The following DENND5B variants were observed in gnomAD, a reference collection of about 807,000 sequenced individuals.
The protein encoded by DENND5B is DENN domain containing 5B.
In DENND5B, 34 loss-of-function variants were observed where a neutral mutation model predicts 140.6. The observed-to-expected ratio is 0.24, with a 90% confidence interval of 0.18 to 0.32. The LOEUF is 0.32. Ranked by LOEUF, DENND5B falls within the 10% of genes least tolerant of loss-of-function variation. DENND5B has a pLI of 1.00. For missense variants in DENND5B, 1,142 were observed against 1,560.2 expected (o/e 0.73, Z 4.52); for synonymous variants, 551 against 562.1 (o/e 0.98, Z 0.28).
chr12:31,417,356 C>CAAAAA (rs767142927), intron 11 of DENND5B, among the ~76,000 whole-genome samples: 61 of 40,116 alleles, frequency 1.5e-3, no homozygotes, highest in South Asian at 6.0e-3. Context: ...GACTCTGTCT[C>CAAAAA]AAAAAAAAAA....
chr12:31,511,283 C>G (rs1208796299), intron 1 of DENND5B, among the ~76,000 whole-genome samples: 2 of 152,038 alleles, frequency 1.3e-5, no homozygotes, highest in Non-Finnish European at 2.9e-5. Flanking sequence ...CCTGGGGAAA[C>G]CTTTCTTGAC....
Position 31,520,959 on chromosome 12 carries a change from A to C in DENND5B, c.128-25040T>G, listed in dbSNP as rs184317890. Among the ~76,000 whole-genome samples, 502 of 152,334 alleles carry C rather than the reference A, an allele frequency of 3.3e-3. 1 individual carries two copies. The highest frequency in any genetic ancestry group is 5.3e-3 in the Non-Finnish European group (361 of 68,044). On this transcript the variant is annotated intron_variant, in intron 1 of 20. Transcript: ENST00000389082. ...TAATAAACATACAAAAATGTTAGTG[A>C]GATATTAAATCTTTGAAATCCAGTG...
intron 1 of DENND5B, among the ~76,000 whole-genome samples, chr12:31,514,787 C>T (rs962678112): frequency 2.0e-5 from 3 of 149,136 alleles, no homozygotes; most frequent in African/African-American, 7.5e-5. Flanking sequence ...TGCACCACTG[C>T]ACTCCATCTG....
intron 3 of DENND5B, among the ~76,000 whole-genome samples, chr12:31,462,604 T>C (rs562055834): frequency 3.3e-4 from 50 of 152,316 alleles, no homozygotes; most frequent in South Asian, 1.0e-3. Context: ...TAAAATTTAC[T>C]GATAACTACT....
intron 1 of DENND5B, among the ~76,000 whole-genome samples, chr12:31,589,055 C>A (rs1020958382): frequency 2.0e-5 from 3 of 152,168 alleles, no homozygotes; most frequent in Non-Finnish European, 4.4e-5. Flanking sequence ...AGTCCTAGGT[C>A]ACACCTAAAA....
chr12:31,384,103 A>T lies in DENND5B; in HGVS notation c.*3500T>A, dbSNP rs956563524. The T allele has an allele frequency of 6.6e-6, 1 of 152,224 alleles. No individual in the cohort carries two copies. Among genetic ancestry groups the T allele is most frequent in the East Asian group, 1.9e-4 (1 of 5,204 alleles). 9.4% of individuals were successfully genotyped at this position (152,224 alleles called of 1,614,324 possible). A position where few individuals can be genotyped will look rare whatever the true frequency, so the allele number is the denominator to read the frequency against. ...CCAAAAGTCAGCTTAAAAGTCAAGC[A>T]TTTATTCTAAGCATTCTGCTACTAC... is the stretch of plus-strand genomic sequence containing the variant. On this transcript the variant is annotated 3_prime_UTR_variant, in exon 21 of 21. Coordinates refer to ENST00000389082, the MANE Select transcript of DENND5B (RefSeq NM_144973.4).
intron 7 of DENND5B, among the ~76,000 whole-genome samples, chr12:31,441,569 A>C (rs183888693): frequency 6.6e-6 from 1 of 151,232 alleles, no homozygotes; most frequent in Non-Finnish European, 1.5e-5. Context: ...GCAACCTCCA[A>C]CTCCTGGGCT....
At chr12:31,503,900 C>CA (rs1273492854) in intron 1 of DENND5B, among the ~76,000 whole-genome samples, 1 of 152,108 alleles carries the variant, frequency 6.6e-6, no homozygotes, top group Non-Finnish European at 1.5e-5. Flanking sequence ...CAGGTAACCC[C>CA]AGAAGCCTAG....
intron 1 of DENND5B, among the ~76,000 whole-genome samples, chr12:31,527,934 C>T (rs924377737): frequency 7.8e-6 from 1 of 128,454 alleles, no homozygotes; most frequent in Non-Finnish European, 1.6e-5. Flanking sequence ...GACAATATGC[C>T]TAGACTCTTT....
intron 7 of DENND5B, among the ~76,000 whole-genome samples, chr12:31,436,855 CTCAG>C (rs1943785465): frequency 6.6e-6 from 1 of 152,050 alleles, no homozygotes; most frequent in African/African-American, 2.4e-5. Context: ...AATTTTCAAC[CTCAG>C]TGTTTCCAAT....
At chr12:31,514,692 C>T (rs769717502) in intron 1 of DENND5B, among the ~76,000 whole-genome samples, 3 of 152,040 alleles carry the variant, frequency 2.0e-5, no homozygotes, top group Non-Finnish European at 4.4e-5. Flanking sequence ...TGGCGCGTGC[C>T]TGTAATCCCA....
At chr12:31,584,467 A>G (rs976503509) in intron 1 of DENND5B, among the ~76,000 whole-genome samples, 2 of 152,232 alleles carry the variant, frequency 1.3e-5, no homozygotes, top group African/African-American at 4.8e-5. Context: ...ACAGTGTCTT[A>G]GTCTGTTTTC....
At chr12:31,443,203 C>A (rs1353692842) in intron 6 of DENND5B, among the ~76,000 whole-genome samples, 2 of 152,176 alleles carry the variant, frequency 1.3e-5, no homozygotes, top group African/African-American at 4.8e-5. Flanking sequence ...AGCCTCCCAA[C>A]TAGCTGAGAC....
At chr12:31,405,870 A>T (rs993740806) in intron 14 of DENND5B, among the ~76,000 whole-genome samples, 1 of 139,386 alleles carries the variant, frequency 7.2e-6, no homozygotes, top group African/African-American at 2.7e-5. Flanking sequence ...TTTTGAGAAG[A>T]AGTCTTGTTC....
At chr12:31,561,238 C>T (rs1949464489) in intron 1 of DENND5B, among the ~76,000 whole-genome samples, 2 of 152,348 alleles carry the variant, frequency 1.3e-5, no homozygotes, top group African/African-American at 2.4e-5. Context: ...ATTTAAAGCA[C>T]AGCAAAGCAT....
intron 7 of DENND5B, among the ~76,000 whole-genome samples, chr12:31,437,519 G>A (rs1054543574): frequency 1.3e-5 from 2 of 152,106 alleles, no homozygotes; most frequent in African/African-American, 4.8e-5. Context: ...ACAGCATATA[G>A]ATATGTAATA....
intron 1 of DENND5B, among the ~76,000 whole-genome samples, chr12:31,558,743 A>C (rs1949380189): frequency 6.6e-6 from 1 of 152,200 alleles, no homozygotes; most frequent in African/African-American, 2.4e-5. Flanking sequence ...GTAGAACCCA[A>C]ACATGAATCA....
chr12:31,407,975 A>G (rs544771986), intron 14 of DENND5B, among the ~76,000 whole-genome samples: 54 of 152,278 alleles, frequency 3.5e-4, no homozygotes, highest in Admixed American at 1.6e-3. Context: ...GGAAAGAATA[A>G]ATGCTATCAT....
intron 6 of DENND5B, among the ~76,000 whole-genome samples, chr12:31,445,037 A>T (rs2138017384): frequency 6.6e-6 from 1 of 152,360 alleles, no homozygotes; most frequent in East Asian, 1.9e-4. Flanking sequence ...CAAGAGAGAC[A>T]GATCAAGGAA....
Sources: gnomAD v4.1 joint callset for allele counts (sites outside exome capture counted in the v4.1 genomes callset) on GRCh38, gnomAD v4.1.1 for gene constraint, MANE v1.5 for transcripts, NCBI Gene and HGNC (gene_info 2026-07-23, HGNC 2026-07-21) for gene names.